Variants in DFFB observed in about 807,000 individuals in gnomAD.
DFFB encodes DNA fragmentation factor 40 kDa subunit.
A neutral mutation model predicts 32.7 loss-of-function variants in DFFB; 29 were observed. The ratio of observed to expected loss-of-function variants is 0.89; its 90% CI spans 0.66 to 1.21. The LOEUF (loss-of-function observed/expected upper bound fraction) is 1.21. DFFB is among the 50% of genes most tolerant of loss of function. DFFB has a pLI of 0.00. For missense variants in DFFB, 398 were observed against 440.6 expected, an observed-to-expected ratio of 0.90 and a Z score of 0.87; for synonymous variants, 170 against 177.1, an observed-to-expected ratio of 0.96 and a Z score of 0.32.
At chr1:3,872,723 C>T in intron 6 of DFFB, 151 bp downstream of exon 6, 1 of 770,266 alleles carries the variant, frequency 1.3e-6, no homozygotes, top group South Asian at 1.7e-5. Context: ...ACCCGTGTTA[C>T]AGCCCAGGGA....
At chr1:3,883,337 G>T (rs890633387) in intron 6 of DFFB, among the ~76,000 whole-genome samples, 170 bp from the exon 7 acceptor site, 2 of 152,216 alleles carry the variant, frequency 1.3e-5, no homozygotes, top group African/African-American at 4.8e-5. Flanking sequence ...AGAGGAGCCA[G>T]GCTGCTTGCA....
chr1:3,858,729 C>T lies in DFFB; in HGVS notation c.126C>T (p.Arg42=). 1 of 1,614,004 alleles carries T rather than the reference C, an allele frequency of 6.2e-7. No homozygotes were observed. Among genetic ancestry groups the T allele is most frequent in the Non-Finnish European group, 8.5e-7 (1 of 1,179,992 alleles). ...TCCCGTCCCTGCAGCTCCCTGAGCG[C>T]GGTTCCCGGCTGTGCCTGTACGAGG... ...KGCLRFQLPE[R]GSRLCLYEDG... is the part of the protein sequence containing the mutation. Residue 42 remains arginine, a synonymous_variant, in exon 2 of 7, where the codon CGC becomes CGT. Coordinates refer to ENST00000378209, the MANE Select transcript of DFFB (RefSeq NM_004402.4).
intron 3 of DFFB, among the ~76,000 whole-genome samples, chr1:3,866,744 C>G (rs941363893): frequency 3.3e-5 from 5 of 152,084 alleles, no homozygotes. Context: ...TCCGCCAGCC[C>G]CTGGCCACCA....
chr1:3,857,910 T>C (rs945179104), intron 1 of DFFB, among the ~76,000 whole-genome samples, 193 bp downstream of exon 1: 1 of 151,706 alleles, frequency 6.6e-6, no homozygotes, highest in Non-Finnish European at 1.5e-5. Context: ...CGCAGGGGGG[T>C]TGGGGGACGA....
chr1:3,871,587 G>C (rs1390226690), intron 5 of DFFB, among the ~76,000 whole-genome samples: 1 of 152,208 alleles, frequency 6.6e-6, no homozygotes, highest in African/African-American at 2.4e-5. Flanking sequence ...ACCGTGCCCG[G>C]CCAAGGCAGA....
intron 6 of DFFB, among the ~76,000 whole-genome samples, chr1:3,878,114 G>A (rs550707409): frequency 5.1e-4 from 77 of 152,142 alleles, no homozygotes; most frequent in Admixed American, 5.0e-3. Flanking sequence ...TGTGTGGGAC[G>A]TGGGACAGAG....
At chr1:3,869,547 C>T in intron 4 of DFFB, 58 bp from the exon 5 acceptor site, 1 of 1,534,836 alleles carries the variant, frequency 6.5e-7, no homozygotes, top group Non-Finnish European at 8.9e-7. Flanking sequence ...GATCGAGAGC[C>T]AGTGCGGGTT....
rs780789759 is a variant in DFFB at position 3,869,715 on chromosome 1, C to T, written c.621C>T (p.Phe207=). 7.4e-6 allele frequency: 12 copies of T among 1,612,050 alleles called. No individual in the cohort carries two copies. Among genetic ancestry groups the T allele is most frequent in the South Asian group, 2.2e-5 (2 of 91,062 alleles). Residue 207 remains phenylalanine, a synonymous_variant, in exon 5 of 7, where the codon TTC becomes TTT. Coordinates refer to ENST00000378209, the MANE Select transcript of DFFB (RefSeq NM_004402.4). The stretch of plus-strand genomic sequence containing the variant: ...CCATGCAGTACAATGGCAGCTACTT[C>T]GACAGAGGAGCCAAGGGCGGCAGCC... ...LRSMQYNGSY[F]DRGAKGGSRL...
chr1:3,874,692 G>A (rs1172013495), intron 6 of DFFB, among the ~76,000 whole-genome samples: 9 of 144,040 alleles, frequency 6.2e-5, no homozygotes, highest in East Asian at 2.1e-4. Flanking sequence ...TTTACCACAC[G>A]CGTGTGAGTT....
chr1:3,880,353 T>A (rs528956535), intron 6 of DFFB, among the ~76,000 whole-genome samples: 1 of 152,206 alleles, frequency 6.6e-6, no homozygotes, highest in South Asian at 2.1e-4. Context: ...CTCTTAACCT[T>A]GGCTGATTTT....
At chr1:3,859,058 G>T (rs1304250012) in intron 2 of DFFB, among the ~76,000 whole-genome samples, 1 of 152,194 alleles carries the variant, frequency 6.6e-6, no homozygotes, top group Non-Finnish European at 1.5e-5. Flanking sequence ...TGTTCAATTG[G>T]TCGTCTTTTT....
At chr1:3,872,168 A>G (rs1645127309) in intron 5 of DFFB, among the ~76,000 whole-genome samples, 1 of 152,164 alleles carries the variant, frequency 6.6e-6, no homozygotes, top group Non-Finnish European at 1.5e-5. Context: ...TAATCCCAGC[A>G]CTTTGGGAGG....
intron 5 of DFFB, among the ~76,000 whole-genome samples, chr1:3,871,162 G>A (rs551989548): frequency 3.7e-4 from 57 of 152,364 alleles, no homozygotes; most frequent in African/African-American, 1.3e-3. Context: ...CCCATGAGGT[G>A]GGGGTGCTGG....
Position 3,883,986 on chromosome 1 carries a change from G to T in DFFB, c.*245G>T. 2.1e-6 allele frequency: 1 copy of T among 483,776 alleles called. No homozygotes were observed. Among genetic ancestry groups the T allele is most frequent in the South Asian group, 2.4e-5 (1 of 42,174 alleles). The allele number at this position is 483,776 out of a possible 1,614,324, so 30.0% of individuals were successfully genotyped here. A position where few individuals can be genotyped will look rare whatever the true frequency, so the allele number is the denominator to read the frequency against. ...TTGTTGCCCAGGCTGGAGTGTAGTG[G>T]CGCGATCTCGGCTCAGCCTCCCGAG... On this transcript the variant is annotated 3_prime_UTR_variant, in exon 7 of 7. Coordinates refer to ENST00000378209, the MANE Select transcript of DFFB (RefSeq NM_004402.4).
chr1:3,877,328 G>GTTTTTTTTTTTTTT (rs5772128), intron 6 of DFFB, among the ~76,000 whole-genome samples: 1 of 113,894 alleles, frequency 8.8e-6, no homozygotes, highest in African/African-American at 3.6e-5. Context: ...TGGGAGTTCA[G>GTTTTTTTTTTTTTT]TTTTTTTTTT....
chr1:3,874,240 T>C (rs1020499631), intron 6 of DFFB, among the ~76,000 whole-genome samples: 3 of 146,546 alleles, frequency 2.0e-5, no homozygotes, highest in African/African-American at 7.8e-5. Flanking sequence ...GAGTTTAACA[T>C]GTACATATGT....
intron 2 of DFFB, among the ~76,000 whole-genome samples, chr1:3,864,228 G>T (rs1644931859): frequency 6.6e-6 from 1 of 152,178 alleles, no homozygotes; most frequent in Non-Finnish European, 1.5e-5. Context: ...GCCTCCGAAA[G>T]TGCTGGGATT....
At chr1:3,872,152 C>T (rs997740971) in intron 5 of DFFB, among the ~76,000 whole-genome samples, 8 of 152,324 alleles carry the variant, frequency 5.3e-5, no homozygotes, top group Admixed American at 1.3e-4. Flanking sequence ...GGTGGCTCAA[C>T]GCCTGTAATC....
chr1:3,872,360 C>A, intron 5 of DFFB, 112 bp from the exon 6 acceptor site: 2 of 735,020 alleles, frequency 2.7e-6, no homozygotes, highest in East Asian at 5.3e-5. Flanking sequence ...TTGTAGTAAG[C>A]CGAGATCGGG....
Sources: gnomAD v4.1 joint callset for allele counts (sites outside exome capture counted in the v4.1 genomes callset) on GRCh38, gnomAD v4.1.1 for gene constraint, MANE v1.5 for transcripts, NCBI Gene and HGNC (gene_info 2026-07-23, HGNC 2026-07-21) for gene names.